The following CREM variants were observed in gnomAD, a reference collection of about 807,000 sequenced individuals.
CREM encodes the protein cAMP-responsive element modulator.
In CREM, 13 loss-of-function variants were observed where a neutral mutation model predicts 37.3. That is an observed-to-expected ratio of 0.35 (90% CI 0.23 to 0.55). The LOEUF is 0.55. Ranked by LOEUF, CREM falls within the 20% of genes least tolerant of loss-of-function variation. The pLI, the probability that CREM is intolerant of heterozygous loss-of-function variation, is 0.88. For missense variants in CREM, 296 were observed against 362.3 expected, an observed-to-expected ratio of 0.82 and a Z score of 1.49; for synonymous variants, 124 against 120.2, an observed-to-expected ratio of 1.03 and a Z score of -0.21.
At chr10:35,148,545 G>A (rs1295939053) in intron 3 of CREM, 54 bp downstream of exon 3, 2 of 1,560,496 alleles carry the variant, frequency 1.3e-6, no homozygotes, top group African/African-American at 2.8e-5. Flanking sequence ...ATGAGAATTA[G>A]GTGCAGATTC....
At chr10:35,140,305 A>C (rs1357171609) in intron 2 of CREM, among the ~76,000 whole-genome samples, 1 of 152,154 alleles carries the variant, frequency 6.6e-6, no homozygotes, top group Non-Finnish European at 1.5e-5. Flanking sequence ...ATTGCAGCAT[A>C]CTCCAAAACA....
At position 35,176,060 on chromosome 10, in the gene CREM, C is replaced by T. The variant is rs544067675; in HGVS notation, c.169-2829C>T. 20 of 1,507,696 alleles carry T rather than the reference C, an allele frequency of 1.3e-5. No homozygotes were observed. The East Asian group carries it at 4.7e-4, about 35-fold the overall frequency. 93.4% of individuals were successfully genotyped at this position (1,507,696 alleles called of 1,614,324 possible). On this transcript the variant is annotated intron_variant, in intron 3 of 7. Transcript: ENST00000685392. The stretch of plus-strand genomic sequence containing the variant: ...TTCTTGAGCCATTTTTTTCCTCTTT[C>T]ACTAATTCATTTATCATTTTTCTTT...
At chr10:35,197,108 T>G (rs1435746866) in intron 6 of CREM, among the ~76,000 whole-genome samples, 2 of 151,966 alleles carry the variant, frequency 1.3e-5, no homozygotes, top group African/African-American at 2.4e-5. Context: ...CCGCCCTCCT[T>G]GGCAATGCTG....
At chr10:35,197,271 C>T (rs996582932) in intron 6 of CREM, among the ~76,000 whole-genome samples, 3 of 151,886 alleles carry the variant, frequency 2.0e-5, no homozygotes, top group African/African-American at 7.3e-5. Context: ...TTTCAAAATG[C>T]TGAAACTTTA....
chr10:35,166,485 C>T (rs2093560526), intron 3 of CREM, among the ~76,000 whole-genome samples: 1 of 151,268 alleles, frequency 6.6e-6, no homozygotes, highest in Admixed American at 6.6e-5. Flanking sequence ...CGATTCAACC[C>T]AGGAGGTGGA....
At chr10:35,138,932 TA>T (rs1021646636) in intron 2 of CREM, among the ~76,000 whole-genome samples, 2 of 151,830 alleles carry the variant, frequency 1.3e-5, no homozygotes, top group South Asian at 2.1e-4. Context: ...TCCTATTTTT[TA>T]AAAAAACAAT....
At chr10:35,199,937 T>A (rs1206213282) in intron 6 of CREM, among the ~76,000 whole-genome samples, 2 of 145,352 alleles carry the variant, frequency 1.4e-5, no homozygotes, top group African/African-American at 5.1e-5. Flanking sequence ...TTGCCCAGGC[T>A]GGAGTACAGT....
chr10:35,182,355 AT>A (rs1348596770), intron 5 of CREM, among the ~76,000 whole-genome samples: 1 of 150,450 alleles, frequency 6.6e-6, no homozygotes, highest in Non-Finnish European at 1.5e-5. Context: ...AGATTTTCCT[AT>A]TTTTTTCCTT....
chr10:35,173,183 C>T (rs1268496296), intron 3 of CREM, among the ~76,000 whole-genome samples: 3 of 152,182 alleles, frequency 2.0e-5, no homozygotes, highest in South Asian at 4.1e-4. Flanking sequence ...CAAGACAGAT[C>T]AATGGATTTT....
chr10:35,180,659 C>T (rs1048020279), intron 5 of CREM, among the ~76,000 whole-genome samples: 1 of 152,188 alleles, frequency 6.6e-6, no homozygotes, highest in Non-Finnish European at 1.5e-5. Context: ...TTTACATTGT[C>T]ATTTTTTTAT....
At chr10:35,197,754 G>C (rs1369730207) in intron 6 of CREM, among the ~76,000 whole-genome samples, 5 of 152,156 alleles carry the variant, frequency 3.3e-5, no homozygotes, top group African/African-American at 1.2e-4. Flanking sequence ...ACCGCGCTCG[G>C]CCTCATTTTA....
chr10:35,167,929 G>A (rs2093631839), intron 3 of CREM: 1 of 794,502 alleles, frequency 1.3e-6, no homozygotes, highest in South Asian at 1.7e-5. Flanking sequence ...ATAGTTTACT[G>A]AGAATGATGA....
intron 6 of CREM, chr10:35,195,848 A>C: frequency 1.8e-6 from 1 of 563,702 alleles, no homozygotes; most frequent in Non-Finnish European, 3.2e-6. Context: ...AGCGAGCTGC[A>C]CATTGACGTC....
intron 5 of CREM, among the ~76,000 whole-genome samples, chr10:35,185,192 T>C (rs2094505828): frequency 6.7e-6 from 1 of 150,222 alleles, no homozygotes; most frequent in African/African-American, 2.5e-5. Flanking sequence ...AACCCCCGCC[T>C]CCCAGATTCA....
At chr10:35,202,795 A>G (rs943795947) in intron 6 of CREM, among the ~76,000 whole-genome samples, 2 of 152,250 alleles carry the variant, frequency 1.3e-5, no homozygotes, top group African/African-American at 4.8e-5. Context: ...AAAAATTATA[A>G]TAAAACCCAG....
chr10:35,194,097 CAAAAAAAAAAAAA>C (rs371978117), intron 6 of CREM, among the ~76,000 whole-genome samples: 15 of 25,052 alleles, frequency 6.0e-4, no homozygotes, highest in Non-Finnish European at 1.0e-3. Flanking sequence ...GACTTCATCT[CAAAAAAAAAAAAA>C]AAAAAAAAAA....
intron 1 of CREM, among the ~76,000 whole-genome samples, chr10:35,137,447 T>C (rs1422628763): frequency 6.6e-6 from 1 of 152,186 alleles, no homozygotes; most frequent in Non-Finnish European, 1.5e-5. Flanking sequence ...CTATACTTAG[T>C]ATTAGATGAT....
intron 5 of CREM, among the ~76,000 whole-genome samples, 200 bp from the exon 6 acceptor site, chr10:35,188,000 A>G (rs559267715): frequency 3.9e-5 from 6 of 152,340 alleles, no homozygotes; most frequent in African/African-American, 1.4e-4. Context: ...AATATAAAAT[A>G]TTTTCAAGTG....
At chr10:35,162,489 T>C (rs2093346789) in intron 3 of CREM, among the ~76,000 whole-genome samples, 1 of 152,204 alleles carries the variant, frequency 6.6e-6, no homozygotes, top group Admixed American at 6.5e-5. Context: ...TATTACATAA[T>C]GTATATATAC....
Sources: allele counts gnomAD v4.1 joint callset (sites outside exome capture counted in the v4.1 genomes callset), GRCh38; gene constraint gnomAD v4.1.1; transcripts MANE v1.5; gene names NCBI Gene and HGNC (gene_info 2026-07-23, HGNC 2026-07-21).